The following STX8 variants were observed in gnomAD, a reference collection of about 807,000 sequenced individuals.
STX8 encodes the protein syntaxin 8.
Under a neutral mutation model 37.5 loss-of-function variants are expected in STX8, and 23 were observed. That is an observed-to-expected ratio of 0.61 (90% CI 0.44 to 0.87). STX8 has a LOEUF of 0.87. STX8 is among the 40% of genes least tolerant of loss of function. The pLI, the probability that STX8 is intolerant of heterozygous loss-of-function variation, is 0.00. For synonymous variants in STX8, 115 were observed against 99.1 expected, an observed-to-expected ratio of 1.16 and a Z score of -0.95; for missense variants, 313 against 284.7, an observed-to-expected ratio of 1.10 and a Z score of -0.71.
intron 6 of STX8, among the ~76,000 whole-genome samples, chr17:9,439,120 T>C (rs1904549204): frequency 6.6e-6 from 1 of 152,170 alleles, no homozygotes. Context: ...GCTCATGACC[T>C]GTACAAAAAC....
At chr17:9,258,248 T>A (rs1906876776) in intron 7 of STX8, among the ~76,000 whole-genome samples, 1 of 152,106 alleles carries the variant, frequency 6.6e-6, no homozygotes, top group East Asian at 1.9e-4. Context: ...TGAGCTGAGG[T>A]GGGGAATAAG....
intron 7 of STX8, among the ~76,000 whole-genome samples, chr17:9,356,967 T>TTC (rs1397299667): frequency 6.9e-6 from 1 of 144,604 alleles, no homozygotes; most frequent in Admixed American, 7.0e-5. Context: ...ACAGTTTTTT[T>TTC]TTTTTTTTTT....
At chr17:9,339,245 A>C (rs1443643683) in intron 7 of STX8, among the ~76,000 whole-genome samples, 1 of 152,154 alleles carries the variant, frequency 6.6e-6, no homozygotes, top group Non-Finnish European at 1.5e-5. Flanking sequence ...CAAGTAAACG[A>C]AGTGTTTTAA....
intron 6 of STX8, among the ~76,000 whole-genome samples, chr17:9,390,206 G>C (rs1044230361): frequency 6.6e-6 from 1 of 152,102 alleles, no homozygotes; most frequent in Admixed American, 6.6e-5. Context: ...ATAAACCATG[G>C]TCTCTCATCT....
chr17:9,288,784 A>G (rs1230037988), intron 7 of STX8, among the ~76,000 whole-genome samples: 3 of 152,104 alleles, frequency 2.0e-5, no homozygotes, highest in African/African-American at 7.2e-5. Context: ...CAGAAGAGAA[A>G]ATAAGGAAAT....
intron 6 of STX8, among the ~76,000 whole-genome samples, chr17:9,454,145 G>A (rs1391656332): frequency 6.6e-6 from 1 of 152,182 alleles, no homozygotes. Context: ...AGTATACACA[G>A]TAGTCCCCGC....
In STX8 at chr17:9,255,124, CTATTAT is replaced by C. The variant is rs942201867; in HGVS notation, c.644-4485_644-4480del. Among the ~76,000 whole-genome samples, 4 of 152,248 alleles carry C rather than the reference CTATTAT, an allele frequency of 2.6e-5. No individual in the cohort carries two copies. The South Asian group carries it at 8.3e-4, about 32-fold the overall frequency. On this transcript the variant is annotated intron_variant, in intron 7 of 7. Coordinates refer to ENST00000306357, the MANE Select transcript of STX8 (RefSeq NM_004853.3). ...CGCATGGTGGGTGGGTCTAGTGGAA[CTATTAT>C]TAATACAGTGGTGGCTAAGCTGCTA...
chr17:9,275,933 C>T (rs1907660435), intron 7 of STX8, among the ~76,000 whole-genome samples: 1 of 151,938 alleles, frequency 6.6e-6, no homozygotes, highest in Non-Finnish European at 1.5e-5. Flanking sequence ...TAATGTGCTG[C>T]AATAATGTCA....
chr17:9,449,885 G>A (rs1249951946), intron 6 of STX8, among the ~76,000 whole-genome samples: 1 of 151,850 alleles, frequency 6.6e-6, no homozygotes, highest in Non-Finnish European at 1.5e-5. Context: ...TTGGGAGGCT[G>A]AGGCTGGAGA....
chr17:9,360,227 CTTTTTTT>C (rs58213453), intron 7 of STX8, among the ~76,000 whole-genome samples: 1 of 72,604 alleles, frequency 1.4e-5, no homozygotes, highest in African/African-American at 5.4e-5. Context: ...AATTAACCGT[CTTTTTTT>C]TTTTTTTTTT....
chr17:9,267,618 ACTCTATC>A (rs1456777953), intron 7 of STX8, among the ~76,000 whole-genome samples: 2 of 152,048 alleles, frequency 1.3e-5, no homozygotes, highest in Non-Finnish European at 1.5e-5. Context: ...CACTCTACAG[ACTCTATC>A]ATGAAAACAG....
At chr17:9,473,674 A>T (rs570574881) in intron 6 of STX8, among the ~76,000 whole-genome samples, 3 of 152,162 alleles carry the variant, frequency 2.0e-5, no homozygotes, top group African/African-American at 4.8e-5. Flanking sequence ...TAAAAAAAAA[A>T]TTTGATTCTC....
At chr17:9,432,501 GAA>G (rs35936791) in intron 6 of STX8, among the ~76,000 whole-genome samples, 1 of 149,720 alleles carries the variant, frequency 6.7e-6, no homozygotes, top group African/African-American at 2.4e-5. Flanking sequence ...TAAATCGGAA[GAA>G]AAAAAAAATG....
chr17:9,307,540 C>T (rs1270986468), intron 7 of STX8, among the ~76,000 whole-genome samples: 1 of 152,208 alleles, frequency 6.6e-6, no homozygotes, highest in African/African-American at 2.4e-5. Context: ...CCCTTTTAAG[C>T]AAATTTCCTG....
chr17:9,253,071 C>T (rs1397708183), intron 7 of STX8, among the ~76,000 whole-genome samples: 3 of 152,238 alleles, frequency 2.0e-5, no homozygotes, highest in Admixed American at 1.3e-4. Context: ...GCCTTCAATG[C>T]GCTCTTCATT....
chr17:9,438,309 AC>A (rs1247975347), intron 6 of STX8, among the ~76,000 whole-genome samples: 2 of 146,842 alleles, frequency 1.4e-5, no homozygotes, highest in Non-Finnish European at 3.0e-5. Context: ...ACAACACACT[AC>A]CCCCCTCCCC....
chr17:9,265,553 A>C lies in STX8; in HGVS notation c.644-14908T>G, dbSNP rs116651570. Among the ~76,000 whole-genome samples, 800 of 152,366 alleles carry C rather than the reference A, an allele frequency of 5.3e-3. 7 individuals are homozygous for C. The highest frequency in any genetic ancestry group is 0.018 in the African/African-American group (748 of 41,582). ...ACTTGCTATCCACTTTGTATACATTATATACGTTACACATTGAGCAGCTCA... is the reference window on the plus strand; with the variant it reads ...ACTTGCTATCCACTTTGTATACATTCTATACGTTACACATTGAGCAGCTCA... On this transcript the variant is annotated intron_variant, in intron 7 of 7. Coordinates refer to ENST00000306357, the MANE Select transcript of STX8 (RefSeq NM_004853.3).
intron 3 of STX8, chr17:9,554,904 C>CA (rs34545907): frequency 0.045 from 2,448 of 54,544 alleles, 59 homozygotes; most frequent in African/African-American, 0.09. Context: ...GACTCCATCT[C>CA]AAAAAAAAAA....
At chr17:9,267,603 T>C (rs1907275702) in intron 7 of STX8, among the ~76,000 whole-genome samples, 1 of 152,212 alleles carries the variant, frequency 6.6e-6, no homozygotes, top group African/African-American at 2.4e-5. Context: ...AAACCTTCTC[T>C]AGCTCACTCT....
Sources: gnomAD v4.1 joint callset for allele counts (sites outside exome capture counted in the v4.1 genomes callset) on GRCh38, gnomAD v4.1.1 for gene constraint, MANE v1.5 for transcripts, NCBI Gene and HGNC (gene_info 2026-07-23, HGNC 2026-07-21) for gene names.